The following ST8SIA5 variants were observed in gnomAD, a reference collection of about 807,000 sequenced individuals.
ST8SIA5 encodes ST8 alpha-N-acetyl-neuraminide alpha-2,8-sialyltransferase 5.
ST8SIA5 carries 24 observed loss-of-function variants against 40.2 expected under a neutral mutation model. The observed-to-expected ratio is 0.60, with a 90% CI of 0.43 to 0.84. The LOEUF is 0.84. Ranked by LOEUF, ST8SIA5 falls within the 40% of genes least tolerant of loss-of-function variation. ST8SIA5 has a pLI of 0.00. For missense variants in ST8SIA5, 465 were observed against 498.5 expected (o/e 0.93, Z 0.64); for synonymous variants, 198 against 201.8 (o/e 0.98, Z 0.16).
intron 6 of ST8SIA5, among the ~76,000 whole-genome samples, 171 bp from the exon 7 acceptor site, chr18:46,680,681 G>T (rs1018511330): frequency 6.6e-6 from 1 of 152,174 alleles, no homozygotes; most frequent in Non-Finnish European, 1.5e-5. Flanking sequence ...CTCTCTCAGG[G>T]GCAGTTGAGT....
rs1755265661 is a variant in ST8SIA5, at chr18:46,685,951, C to T, written c.569+223G>A. The T allele has an allele frequency of 6.9e-6, 4 of 577,668 alleles. No individual in the cohort carries two copies. The South Asian group carries it at 8.2e-5, about 12-fold the overall frequency. 35.8% of individuals were successfully genotyped at this position (577,668 alleles called of 1,614,324 possible). A position where few individuals can be genotyped will look rare whatever the true frequency, so the allele number is the denominator to read the frequency against. Reference sequence around the variant, plus strand: ...AATCTGTGATGTCCTTTGCTCTTAACACATCTCCCATTGTGCAGATGTGGA... The same window carrying T: ...AATCTGTGATGTCCTTTGCTCTTAATACATCTCCCATTGTGCAGATGTGGA... On this transcript the variant is annotated intron_variant, in intron 5 of 6. Coordinates refer to ENST00000315087, the MANE Select transcript of ST8SIA5 (RefSeq NM_013305.6).
At position 46,682,068 on chromosome 18, in the gene ST8SIA5, C is replaced by T. The variant is rs2039402859; in HGVS notation, c.570-4G>A. The T allele has an allele frequency of 1.9e-6, 3 of 1,600,718 alleles. No individual in the cohort carries two copies. The highest frequency in any genetic ancestry group is 2.6e-6 in the Non-Finnish European group (3 of 1,174,126). On this transcript the variant is annotated splice_region_variant and splice_polypyrimidine_tract_variant and intron_variant, in intron 5 of 6. Transcript: ENST00000315087. ...TGAGATGGGGGGCAGGTTGCACCTG[C>T]AGAAGAGAAAAGGCAGCCCAAGGTG...
intron 2 of ST8SIA5, among the ~76,000 whole-genome samples, chr18:46,702,684 G>A (rs71364563): frequency 0.084 from 12,818 of 152,220 alleles, 736 homozygotes; most frequent in East Asian, 0.18. Context: ...TCAGAGAAGC[G>A]TTGCCTGACA....
In ST8SIA5 at chr18:46,669,227, A is replaced by T. The variant is rs963253729; in HGVS notation, c.*10815T>A. Reference sequence around the variant, plus strand: ...TCAGCCTAACAACTTCAGAGGGGAGAAAAAGGTGCCCTAGAGGGCTAGAGC... The same window carrying T: ...TCAGCCTAACAACTTCAGAGGGGAGTAAAAGGTGCCCTAGAGGGCTAGAGC... On this transcript the variant is annotated 3_prime_UTR_variant, in exon 7 of 7. Transcript: ENST00000315087. The T allele has an allele frequency of 6.6e-6, 1 of 152,288 alleles. No homozygotes were observed. The highest frequency in any genetic ancestry group is 1.5e-5 in the Non-Finnish European group (1 of 68,198). 9.4% of individuals were successfully genotyped at this position (152,288 alleles called of 1,614,324 possible).
chr18:46,694,887 A>C (rs930799277), intron 2 of ST8SIA5, among the ~76,000 whole-genome samples: 2 of 151,714 alleles, frequency 1.3e-5, no homozygotes, highest in Admixed American at 6.6e-5. Flanking sequence ...GGCCGGGCGC[A>C]GTGGCTCACG....
At chr18:46,690,867 T>C (rs141948305) in intron 3 of ST8SIA5, among the ~76,000 whole-genome samples, 2,970 of 152,242 alleles carry the variant, frequency 0.02, 88 homozygotes, top group African/African-American at 0.067. Context: ...TCACCCGCCT[T>C]GGCCTCCCAA....
chr18:46,744,032 G>C (rs1444266769), intron 1 of ST8SIA5, among the ~76,000 whole-genome samples: 2 of 152,154 alleles, frequency 1.3e-5, no homozygotes, highest in African/African-American at 2.4e-5. Context: ...TTTGTCACCA[G>C]CAGGCCTGCC....
intron 1 of ST8SIA5, among the ~76,000 whole-genome samples, chr18:46,737,215 A>ACTGGACAGATATC (rs1195839445): frequency 6.6e-6 from 1 of 152,116 alleles, no homozygotes; most frequent in Non-Finnish European, 1.5e-5. Flanking sequence ...AGTCTCTGAG[A>ACTGGACAGATATC]CCCACCAGTT....
Position 46,680,355 on chromosome 18 carries a change from G to C in ST8SIA5, c.818C>G (p.Ala273Gly). 1.2e-6 allele frequency: 2 copies of C among 1,614,224 alleles called. No individual in the cohort carries two copies. Among genetic ancestry groups the C allele is most frequent in the Non-Finnish European group, 1.7e-6 (2 of 1,180,034 alleles). Residue 273 changes from alanine to glycine, a missense_variant, in exon 7 of 7, where the codon GCT (alanine) becomes GGT (glycine). Coordinates refer to ENST00000315087, the MANE Select transcript of ST8SIA5 (RefSeq NM_013305.6). ...YVLDDFESPQ[A>G]VYYFHPQYLV... ...GTACTGCGGATGGAAGTAGTAGACA[G>C]CTTGCGGCGATTCGAAGTCGTCCAG...
intron 2 of ST8SIA5, among the ~76,000 whole-genome samples, chr18:46,698,171 C>G (rs2039575416): frequency 6.7e-6 from 1 of 149,984 alleles, no homozygotes; most frequent in Non-Finnish European, 1.5e-5. Context: ...CACCAACAAT[C>G]ACAACAATAA....
At chr18:46,710,590 G>C (rs559875873) in intron 1 of ST8SIA5, among the ~76,000 whole-genome samples, 1 of 145,674 alleles carries the variant, frequency 6.9e-6, no homozygotes, top group African/African-American at 2.6e-5. Flanking sequence ...ACCCAAGCTG[G>C]AGTGCAGTGG....
At chr18:46,706,810 A>C (rs1179226558) in intron 1 of ST8SIA5, among the ~76,000 whole-genome samples, 1 of 152,138 alleles carries the variant, frequency 6.6e-6, no homozygotes, top group African/African-American at 2.4e-5. Context: ...GCTGGTGCAG[A>C]ATGTGGCAGA....
chr18:46,712,784 A>G (rs1178984692), intron 1 of ST8SIA5, among the ~76,000 whole-genome samples: 2 of 152,200 alleles, frequency 1.3e-5, no homozygotes, highest in African/African-American at 2.4e-5. Context: ...AGGGGCGACA[A>G]TAAATGATTC....
At chr18:46,684,684 A>C (rs984724246) in intron 5 of ST8SIA5, among the ~76,000 whole-genome samples, 1 of 152,182 alleles carries the variant, frequency 6.6e-6, no homozygotes, top group African/African-American at 2.4e-5. Context: ...CCTTCATTTA[A>C]GACTAATTTT....
intron 1 of ST8SIA5, among the ~76,000 whole-genome samples, chr18:46,743,797 G>C (rs1022833834): frequency 1.3e-5 from 2 of 152,180 alleles, no homozygotes; most frequent in East Asian, 1.9e-4. Flanking sequence ...AGGAAAAAAG[G>C]TTAAGGGCAG....
At chr18:46,734,106 G>A (rs8095667) in intron 1 of ST8SIA5, among the ~76,000 whole-genome samples, 18,915 of 152,108 alleles carry the variant, frequency 0.12, 1,329 homozygotes, top group Middle Eastern at 0.17. Flanking sequence ...ACCCAGATTA[G>A]AGCGGAGATG....
intron 1 of ST8SIA5, among the ~76,000 whole-genome samples, chr18:46,710,347 C>T (rs200810633): frequency 1.5e-5 from 2 of 132,744 alleles, no homozygotes; most frequent in South Asian, 2.4e-4. Flanking sequence ...TCTTCCTTTC[C>T]TTCTTTCCTT....
In ST8SIA5 at chr18:46,679,119, CA is replaced by C. The variant is rs1270640473; in HGVS notation, c.*922del. The stretch of plus-strand genomic sequence containing the variant: ...AGCAGGATTCTGCAGGATTCAGAGA[CA>C]TGAGAGGAAGAGGTCTTTATAAATA... On this transcript the variant is annotated 3_prime_UTR_variant, in exon 7 of 7. Coordinates refer to ENST00000315087, the MANE Select transcript of ST8SIA5 (RefSeq NM_013305.6). 9.9e-5 allele frequency: 15 copies of C among 152,232 alleles called. No individual in the cohort carries two copies. The highest frequency in any genetic ancestry group is 3.6e-4 in the African/African-American group (15 of 41,454). 9.4% of individuals were successfully genotyped at this position (152,232 alleles called of 1,614,324 possible).
rs569408318 is a variant in ST8SIA5, at chr18:46,690,814, C to G, written c.311+1355G>C. Among the ~76,000 whole-genome samples the G allele has an allele frequency of 3.9e-4, 60 of 152,230 alleles. 2 individuals are homozygous for G. In the South Asian group the frequency reaches 0.012, roughly 30 times the overall value. On this transcript the variant is annotated intron_variant, in intron 3 of 6. Coordinates refer to ENST00000315087, the MANE Select transcript of ST8SIA5 (RefSeq NM_013305.6). ...CATTTTTAGTAGAGACAGGGTTTCA[C>G]CATGTTGGCCAGGCTGATCTTGAAC...
Sources: gnomAD v4.1 joint callset for allele counts (sites outside exome capture counted in the v4.1 genomes callset) on GRCh38, gnomAD v4.1.1 for gene constraint, MANE v1.5 for transcripts, NCBI Gene and HGNC (gene_info 2026-07-23, HGNC 2026-07-21) for gene names.